Variants in NALF1 observed in about 807,000 individuals in gnomAD.
NALF1 encodes NALCN channel auxiliary factor 1.
NALF1 carries 3 observed loss-of-function variants against 48.4 expected under a neutral mutation model. The observed-to-expected ratio is 0.06, with a 90% CI of 0.03 to 0.16. NALF1 has a LOEUF of 0.16. Among genes scored for constraint, NALF1 ranks in the 10% least tolerant of loss-of-function variants. The pLI, the probability that NALF1 is intolerant of heterozygous loss-of-function variation, is 1.00. For synonymous variants in NALF1, 262 were observed against 245.7 expected (o/e 1.07, Z -0.62); for missense variants, 526 against 571.5 (o/e 0.92, Z 0.81).
intron 1 of NALF1, among the ~76,000 whole-genome samples, chr13:107,298,471 C>T (rs983171630): frequency 6.7e-6 from 1 of 150,254 alleles, no homozygotes; most frequent in Admixed American, 6.6e-5. Flanking sequence ...CTCACTCTGT[C>T]GCCAGGCTAG....
chr13:107,767,064 G>GA (rs984536252), intron 1 of NALF1, among the ~76,000 whole-genome samples: 4 of 151,818 alleles, frequency 2.6e-5, no homozygotes, highest in African/African-American at 7.3e-5. Flanking sequence ...AACAAAACAG[G>GA]AAAAAAATAT....
intron 1 of NALF1, among the ~76,000 whole-genome samples, chr13:107,494,409 GC>G (rs1345375129): frequency 6.6e-6 from 1 of 152,076 alleles, no homozygotes; most frequent in African/African-American, 2.4e-5. Flanking sequence ...GAATAAAAGG[GC>G]AAAACCCAAA....
intron 1 of NALF1, among the ~76,000 whole-genome samples, chr13:107,219,847 T>C (rs2138814100): frequency 1.3e-5 from 2 of 152,346 alleles, no homozygotes; most frequent in Middle Eastern, 3.4e-3. Flanking sequence ...CATAACTTTG[T>C]CATATAATCC....
At chr13:107,536,878 A>C (rs1444678768) in intron 1 of NALF1, among the ~76,000 whole-genome samples, 1 of 152,198 alleles carries the variant, frequency 6.6e-6, no homozygotes, top group Non-Finnish European at 1.5e-5. Context: ...GCACATATAC[A>C]CCATGGAATA....
At position 107,865,852 on chromosome 13, in the gene NALF1, C is replaced by T. The variant is rs1229236647; in HGVS notation, c.745G>A (p.Asp249Asn). ...SSPNTLNCSL[D>N]VVLKEGGEMT... is the part of the protein sequence containing the mutation. ...TCGCCGCCTTCCTTGAGCACCACAT[C>T]CAGACTGCAGTTCAAAGTGTTGGGA... Residue 249 changes from aspartate to asparagine, a missense_variant, in exon 1 of 3, where the codon GAT becomes AAT. Asp to Asn is a conservative substitution (Grantham distance 23, BLOSUM62 1). Around this residue, in one of 2 missense-constraint regions of NALF1, gnomAD observed 373 missense variants for 355.5 expected, o/e 1.05. Transcript: ENST00000375915. 2 of 1,614,132 alleles carry T rather than the reference C, an allele frequency of 1.2e-6. No homozygotes were observed. Among genetic ancestry groups the T allele is most frequent in the South Asian group, 2.2e-5 (2 of 91,078 alleles).
At chr13:107,578,134 TTAACA>T (rs1878205869) in intron 1 of NALF1, among the ~76,000 whole-genome samples, 1 of 152,144 alleles carries the variant, frequency 6.6e-6, no homozygotes, top group Non-Finnish European at 1.5e-5. Context: ...TCACTGGAAC[TTAACA>T]TTTGAATCTC....
intron 1 of NALF1, among the ~76,000 whole-genome samples, chr13:107,463,817 A>G (rs920193072): frequency 2.0e-5 from 3 of 152,182 alleles, no homozygotes; most frequent in Admixed American, 6.5e-5. Context: ...AAAAGCAGAT[A>G]CCATTGTTAA....
chr13:107,628,280 G>A (rs996697852), intron 1 of NALF1, among the ~76,000 whole-genome samples: 3 of 152,218 alleles, frequency 2.0e-5, no homozygotes, highest in Non-Finnish European at 2.9e-5. Context: ...TGGCACTTCC[G>A]ACTGCCTCAC....
At chr13:107,399,281 G>A (rs914190412) in intron 1 of NALF1, among the ~76,000 whole-genome samples, 2 of 152,020 alleles carry the variant, frequency 1.3e-5, no homozygotes, top group African/African-American at 2.4e-5. Flanking sequence ...GTTGTTGAAC[G>A]TTTTATGTAA....
At chr13:107,464,991 T>TG (rs924038929) in intron 1 of NALF1, among the ~76,000 whole-genome samples, 1 of 151,502 alleles carries the variant, frequency 6.6e-6, no homozygotes, top group African/African-American at 2.4e-5. Flanking sequence ...ATTTATTCAT[T>TG]TTTTTTCACT....
chr13:107,287,910 T>C (rs965268339), intron 1 of NALF1, among the ~76,000 whole-genome samples: 3 of 151,784 alleles, frequency 2.0e-5, no homozygotes, highest in Non-Finnish European at 2.9e-5. Context: ...TTTCATCATC[T>C]TGGCCAGTCT....
intron 1 of NALF1, among the ~76,000 whole-genome samples, chr13:107,284,592 G>A (rs985280726): frequency 1.4e-4 from 21 of 151,844 alleles, no homozygotes; most frequent in South Asian, 4.2e-4. Context: ...CCTCAAATTC[G>A]TATGTTGAAG....
intron 1 of NALF1, among the ~76,000 whole-genome samples, chr13:107,674,464 T>C (rs1881066582): frequency 6.6e-6 from 1 of 152,234 alleles, no homozygotes; most frequent in South Asian, 2.1e-4. Context: ...TTGTTCATGC[T>C]GTCTCCTCTG....
chr13:107,198,521 C>T (rs1379735505), intron 2 of NALF1, among the ~76,000 whole-genome samples: 1 of 152,228 alleles, frequency 6.6e-6, no homozygotes, highest in African/African-American at 2.4e-5. Context: ...TCCTCTAATC[C>T]TCCAGAACTT....
intron 1 of NALF1, among the ~76,000 whole-genome samples, chr13:107,796,919 A>C (rs1878442146): frequency 6.6e-6 from 1 of 152,130 alleles, no homozygotes; most frequent in Non-Finnish European, 1.5e-5. Context: ...CATATTTTAC[A>C]CGTGCCCAAT....
intron 1 of NALF1, among the ~76,000 whole-genome samples, chr13:107,854,012 T>C (rs549040822): frequency 1.1e-3 from 175 of 152,352 alleles, no homozygotes; most frequent in Non-Finnish European, 2.0e-3. Context: ...TCCAATTTAG[T>C]TGACAGCAAA....
chr13:107,614,987 G>A (rs1879340542), intron 1 of NALF1, among the ~76,000 whole-genome samples: 1 of 151,856 alleles, frequency 6.6e-6, no homozygotes, highest in African/African-American at 2.4e-5. Flanking sequence ...ATGTTGGCCA[G>A]GCTGGTCTTG....
intron 1 of NALF1, among the ~76,000 whole-genome samples, chr13:107,754,038 G>A (rs1242098975): frequency 1.3e-5 from 2 of 152,104 alleles, no homozygotes; most frequent in Admixed American, 1.3e-4. Flanking sequence ...TTGGGCAGCT[G>A]AAAATAAAGA....
intron 1 of NALF1, among the ~76,000 whole-genome samples, chr13:107,811,777 G>A (rs547575232): frequency 3.9e-4 from 60 of 152,250 alleles, no homozygotes; most frequent in African/African-American, 1.4e-3. Context: ...GTGGAAAGGC[G>A]ATAACTAACC....
Sources: gnomAD v4.1 joint callset for allele counts (sites outside exome capture counted in the v4.1 genomes callset) on GRCh38, gnomAD v4.1.1 for gene constraint, gnomAD v4.1.1 regional missense constraint, MANE v1.5 for transcripts, NCBI Gene and HGNC (gene_info 2026-07-23, HGNC 2026-07-21) for gene names.